The following PKP4 variants were observed in gnomAD, a reference collection of about 807,000 sequenced individuals.
PKP4 encodes the protein plakophilin-4.
In PKP4, 90 loss-of-function variants were observed where a neutral mutation model predicts 145.1. The ratio of observed to expected loss-of-function variants is 0.62; its 90% CI spans 0.52 to 0.74. PKP4 has a LOEUF of 0.74. Among genes scored for constraint, PKP4 ranks in the 30% least tolerant of loss-of-function variants. PKP4 has a pLI of 0.00. For missense variants in PKP4, 1,340 were observed against 1,482.7 expected (o/e 0.90, Z 1.58); for synonymous variants, 563 against 577.2 (o/e 0.98, Z 0.35).
chr2:158,562,704 C>T (rs1191109990), intron 2 of PKP4, among the ~76,000 whole-genome samples: 1 of 152,032 alleles, frequency 6.6e-6, no homozygotes, highest in African/African-American at 2.4e-5. Flanking sequence ...CTTTGAATAC[C>T]TAATCAAAAT....
At chr2:158,561,179 T>C (rs2046481175) in intron 2 of PKP4, among the ~76,000 whole-genome samples, 1 of 152,256 alleles carries the variant, frequency 6.6e-6, no homozygotes, top group Admixed American at 6.5e-5. Flanking sequence ...TCGTCATTTA[T>C]GTTTATGGCT....
At chr2:158,617,389 G>A (rs1396411659) in intron 4 of PKP4, among the ~76,000 whole-genome samples, 2 of 151,866 alleles carry the variant, frequency 1.3e-5, no homozygotes, top group Non-Finnish European at 2.9e-5. Context: ...TTCACATGCT[G>A]TTTGCCATTT....
chr2:158,596,452 C>T (rs2049749463), intron 3 of PKP4, among the ~76,000 whole-genome samples: 1 of 151,916 alleles, frequency 6.6e-6, no homozygotes, highest in Admixed American at 6.5e-5. Context: ...CCACAATGTA[C>T]AAATGTATTT....
chr2:158,486,664 G>A (rs1281313823), intron 1 of PKP4, among the ~76,000 whole-genome samples: 2 of 152,214 alleles, frequency 1.3e-5, no homozygotes, highest in Non-Finnish European at 2.9e-5. Flanking sequence ...GGCATAATAA[G>A]TTAGGACCTG....
intron 20 of PKP4, chr2:158,677,092 C>T (rs1352727393): frequency 1.7e-5 from 9 of 543,284 alleles, no homozygotes; most frequent in African/African-American, 5.7e-5. Context: ...TGTAGTTGTA[C>T]GGTGGGCACA....
intron 12 of PKP4, 40 bp downstream of exon 12, chr2:158,658,354 TA>T: frequency 8.4e-7 from 1 of 1,197,080 alleles, no homozygotes; most frequent in Non-Finnish European, 1.2e-6. Flanking sequence ...ATTCTGTGAT[TA>T]AATATGTGTC....
intron 19 of PKP4, among the ~76,000 whole-genome samples, chr2:158,676,378 T>TAGTA (rs1305960911): frequency 2.0e-5 from 3 of 152,242 alleles, no homozygotes; most frequent in Admixed American, 6.5e-5. Flanking sequence ...CTTGCATGGC[T>TAGTA]AGTAAGTTAT....
chr2:158,461,958 A>G (rs1235851293), intron 1 of PKP4, among the ~76,000 whole-genome samples: 1 of 152,310 alleles, frequency 6.6e-6, no homozygotes, highest in East Asian at 1.9e-4. Flanking sequence ...AATTTAAAAC[A>G]GGTATGGGGT....
At position 158,640,640 on chromosome 2, in the gene PKP4, C is replaced by A; in HGVS notation, c.1576C>A (p.Arg526Ser). 1 of 1,613,230 alleles carries A rather than the reference C, an allele frequency of 6.2e-7. No individual in the cohort carries two copies. The highest frequency in any genetic ancestry group is 8.5e-7 in the Non-Finnish European group (1 of 1,179,894). ...TTTCTCATGTAGGGAGTTTGCCTGGCGTGATCCTGAGTTGCCTGAGGTCAT... is the reference window on the plus strand; with the variant it reads ...TTTCTCATGTAGGGAGTTTGCCTGGAGTGATCCTGAGTTGCCTGAGGTCAT... ...IQKDPREFAW[R>S]DPELPEVIHM... is the part of the protein sequence containing the mutation. Residue 526 changes from arginine to serine, a missense_variant, in exon 10 of 22, where the codon CGT becomes AGT. Coordinates refer to ENST00000389759, the MANE Select transcript of PKP4 (RefSeq NM_003628.6).
At chr2:158,592,935 G>A (rs1284129869) in intron 3 of PKP4, among the ~76,000 whole-genome samples, 2 of 152,126 alleles carry the variant, frequency 1.3e-5, no homozygotes, top group Admixed American at 6.6e-5. Flanking sequence ...TTAGTCCCAT[G>A]TTAATGCTGT....
rs186720110 is a variant in PKP4, at chr2:158,554,611, A to G, written c.132+21295A>G. Among the ~76,000 whole-genome samples the G allele has an allele frequency of 2.8e-3, 428 of 151,732 alleles. 5 individuals carry two copies. The highest frequency in any genetic ancestry group is 8.8e-3 in the African/African-American group (366 of 41,388). On this transcript the variant is annotated intron_variant, in intron 2 of 21. Transcript: ENST00000389759. ...AGGCTAATTTTTTGTATTTTTAGTA[A>G]AGACGGGGTTTCACTGTGTTAGCCA... is the stretch of plus-strand genomic sequence containing the variant.
At chr2:158,609,328 C>T (rs887323519) in intron 4 of PKP4, among the ~76,000 whole-genome samples, 1 of 152,102 alleles carries the variant, frequency 6.6e-6, no homozygotes, top group Non-Finnish European at 1.5e-5. Context: ...TGAGGAGTGG[C>T]TTAAATTTGA....
rs1248251247 is a variant in PKP4, at chr2:158,639,444, AC to A, written c.1563-1182del. Reference sequence around the variant, plus strand: ...ATGGAGACTTCCCAGATCAAGAGAGACTCTAAGGCTTCAAAAACCAGGCAGG... The same window carrying A: ...ATGGAGACTTCCCAGATCAAGAGAGATCTAAGGCTTCAAAAACCAGGCAGG... On this transcript the variant is annotated intron_variant, in intron 9 of 21. Transcript: ENST00000389759. Among the ~76,000 whole-genome samples, 15 of 152,142 alleles carry A rather than the reference AC, an allele frequency of 9.9e-5. No homozygotes were observed. In the East Asian group the frequency reaches 2.9e-3, roughly 29 times the overall value.
At chr2:158,603,802 G>A (rs1404136047) in intron 4 of PKP4, among the ~76,000 whole-genome samples, 1 of 152,186 alleles carries the variant, frequency 6.6e-6, no homozygotes, top group Admixed American at 6.5e-5. Flanking sequence ...TCAGTAATGT[G>A]AACAATGTTG....
At chr2:158,612,811 A>G (rs752591399) in intron 4 of PKP4, among the ~76,000 whole-genome samples, 68 of 152,026 alleles carry the variant, frequency 4.5e-4, no homozygotes, top group Non-Finnish European at 8.8e-4. Context: ...TGGAAACTTG[A>G]GCATACCCCG....
intron 3 of PKP4, among the ~76,000 whole-genome samples, chr2:158,596,833 C>G (rs1004773312): frequency 1.1e-4 from 17 of 152,136 alleles, no homozygotes; most frequent in African/African-American, 4.1e-4. Context: ...TTATTCCCAA[C>G]CCCTTACGGT....
At chr2:158,652,776 C>T (rs2055500292) in intron 11 of PKP4, among the ~76,000 whole-genome samples, 2 of 152,190 alleles carry the variant, frequency 1.3e-5, no homozygotes, top group South Asian at 4.1e-4. Context: ...TTCCCCAGAG[C>T]TTCAACGGGA....
intron 7 of PKP4, among the ~76,000 whole-genome samples, chr2:158,628,742 T>G (rs2053058618): frequency 6.6e-6 from 1 of 152,246 alleles, no homozygotes. Context: ...CAGTGACGAA[T>G]CCAGCCAGAT....
At chr2:158,657,801 C>T (rs751460294) in intron 11 of PKP4, among the ~76,000 whole-genome samples, 1 of 151,982 alleles carries the variant, frequency 6.6e-6, no homozygotes, top group Non-Finnish European at 1.5e-5. Context: ...TATTCAAGAC[C>T]CCTGCTTGGA....
Sources: allele counts gnomAD v4.1 joint callset (sites outside exome capture counted in the v4.1 genomes callset), GRCh38; gene constraint gnomAD v4.1.1; transcripts MANE v1.5; gene names NCBI Gene and HGNC (gene_info 2026-07-23, HGNC 2026-07-21).